MACROD2: variants seen among roughly 807,000 people sequenced by gnomAD.
The protein encoded by MACROD2 is mono-ADP ribosylhydrolase 2, also known as ADP-ribose glycohydrolase MACROD2.
A neutral mutation model predicts 70.4 loss-of-function variants in MACROD2; 36 were observed. The observed-to-expected ratio is 0.51, with a 90% CI of 0.39 to 0.68. The LOEUF is 0.68. Among genes scored for constraint, MACROD2 ranks in the 30% least tolerant of loss-of-function variants. The pLI is 0.00. For missense variants in MACROD2, 496 were observed against 538.4 expected (o/e 0.92, Z 0.78); for synonymous variants, 172 against 178.8 (o/e 0.96, Z 0.30).
intron 5 of MACROD2, among the ~76,000 whole-genome samples, chr20:14,883,669 A>G (rs1017065849): frequency 5.9e-5 from 9 of 152,128 alleles, no homozygotes; most frequent in African/African-American, 2.2e-4. Flanking sequence ...CATCTGTCAC[A>G]TGCATATAGT....
intron 15 of MACROD2, among the ~76,000 whole-genome samples, chr20:16,009,455 T>G (rs1258322488): frequency 6.6e-6 from 1 of 152,162 alleles, no homozygotes; most frequent in Non-Finnish European, 1.5e-5. Flanking sequence ...TTGTTTCTGC[T>G]GAGATCAAAG....
intron 7 of MACROD2, among the ~76,000 whole-genome samples, chr20:15,451,826 G>A (rs1178801167): frequency 6.6e-6 from 1 of 152,186 alleles, no homozygotes; most frequent in Non-Finnish European, 1.5e-5. Flanking sequence ...TCAGGACTTG[G>A]TGGATCCAGT....
At chr20:15,883,543 A>G (rs2064784454) in intron 9 of MACROD2, among the ~76,000 whole-genome samples, 1 of 152,098 alleles carries the variant, frequency 6.6e-6, no homozygotes, top group African/African-American at 2.4e-5. Flanking sequence ...TTGCCTTTCT[A>G]AAACCTCAAA....
chr20:14,304,482 T>C (rs1257359860), intron 3 of MACROD2, among the ~76,000 whole-genome samples: 2 of 152,232 alleles, frequency 1.3e-5, no homozygotes, highest in Non-Finnish European at 2.9e-5. Context: ...CAGACTGAAA[T>C]TGTGGTTGAC....
At chr20:14,781,537 T>A (rs2072301322) in intron 5 of MACROD2, among the ~76,000 whole-genome samples, 1 of 149,918 alleles carries the variant, frequency 6.7e-6, no homozygotes, top group Admixed American at 6.7e-5. Context: ...ATGGAGTGAT[T>A]GGGATTCTGA....
chr20:14,317,471 C>T (rs1276978556), intron 3 of MACROD2, among the ~76,000 whole-genome samples: 5 of 152,018 alleles, frequency 3.3e-5, no homozygotes, highest in Non-Finnish European at 5.9e-5. Context: ...AAAAAATTAG[C>T]TGGGGGTGGT....
At chr20:14,845,999 C>T (rs2073136155) in intron 5 of MACROD2, among the ~76,000 whole-genome samples, 2 of 152,032 alleles carry the variant, frequency 1.3e-5, no homozygotes, top group African/African-American at 4.8e-5. Flanking sequence ...CAAATCCACA[C>T]TTGAGTATTT....
intron 8 of MACROD2, among the ~76,000 whole-genome samples, chr20:15,524,845 A>G (rs1051652739): frequency 2.6e-5 from 4 of 152,240 alleles, no homozygotes; most frequent in Non-Finnish European, 5.9e-5. Context: ...TCAAGGACTC[A>G]ATAGTCACAT....
intron 4 of MACROD2, among the ~76,000 whole-genome samples, chr20:14,629,656 C>T (rs942150909): frequency 6.6e-6 from 1 of 152,068 alleles, no homozygotes; most frequent in African/African-American, 2.4e-5. Context: ...TCTTTTCTTC[C>T]CTGACTCCTT....
intron 8 of MACROD2, among the ~76,000 whole-genome samples, chr20:15,676,780 T>A (rs1340684473): frequency 2.0e-5 from 3 of 152,224 alleles, no homozygotes; most frequent in Non-Finnish European, 4.4e-5. Flanking sequence ...GCCATAAGTT[T>A]ATAATTTTAA....
chr20:14,025,095 T>G (rs950457388), intron 2 of MACROD2, among the ~76,000 whole-genome samples: 2 of 152,228 alleles, frequency 1.3e-5, no homozygotes, highest in African/African-American at 4.8e-5. Context: ...GGTTTGGTCT[T>G]GGGACAGTGT....
chr20:15,613,266 A>G (rs1219715733), intron 8 of MACROD2, among the ~76,000 whole-genome samples: 1 of 152,076 alleles, frequency 6.6e-6, no homozygotes, highest in African/African-American at 2.4e-5. Context: ...AAAATTTCCA[A>G]CGTCTTTGTC....
chr20:14,970,358 C>A (rs913860424), intron 5 of MACROD2, among the ~76,000 whole-genome samples: 2 of 151,818 alleles, frequency 1.3e-5, no homozygotes, highest in Admixed American at 6.6e-5. Context: ...TAAAATAAAT[C>A]AAAATTCATG....
chr20:15,616,617 G>A (rs1481752908), intron 8 of MACROD2, among the ~76,000 whole-genome samples: 2 of 152,070 alleles, frequency 1.3e-5, no homozygotes, highest in African/African-American at 2.4e-5. Flanking sequence ...ACCTCTAGAC[G>A]CTGGCTTGGA....
At chr20:14,831,114 T>G (rs1428717192) in intron 5 of MACROD2, among the ~76,000 whole-genome samples, 1 of 152,048 alleles carries the variant, frequency 6.6e-6, no homozygotes, top group Non-Finnish European at 1.5e-5. Context: ...AAGTGTTGTG[T>G]TTCACCACTG....
At chr20:14,005,816 GT>G (rs1330159037) in intron 2 of MACROD2, among the ~76,000 whole-genome samples, 1 of 152,082 alleles carries the variant, frequency 6.6e-6, no homozygotes, top group Admixed American at 6.6e-5. Context: ...GGCCAGGCTG[GT>G]CTTGAACTCC....
intron 6 of MACROD2, among the ~76,000 whole-genome samples, chr20:15,305,354 A>C: frequency 6.6e-6 from 1 of 152,292 alleles, no homozygotes; most frequent in Non-Finnish European, 1.5e-5. Flanking sequence ...CAGATTTTAA[A>C]CAATAGTCCA....
chr20:14,982,516 C>T (rs2074810061), intron 5 of MACROD2, among the ~76,000 whole-genome samples: 1 of 152,174 alleles, frequency 6.6e-6, no homozygotes, highest in Non-Finnish European at 1.5e-5. Flanking sequence ...CACCAAGGGT[C>T]ACCATGCTGT....
At chr20:15,727,401 A>C (rs1043638103) in intron 8 of MACROD2, among the ~76,000 whole-genome samples, 2 of 152,042 alleles carry the variant, frequency 1.3e-5, no homozygotes, top group African/African-American at 4.8e-5. Flanking sequence ...CTTTTTGCTT[A>C]AGATTGCCTC....
Sources: allele counts gnomAD v4.1 joint callset (sites outside exome capture counted in the v4.1 genomes callset), GRCh38; gene constraint gnomAD v4.1.1; transcripts MANE v1.5; gene names NCBI Gene and HGNC (gene_info 2026-07-23, HGNC 2026-07-21).